RAF1: variants seen among roughly 807,000 people sequenced by gnomAD.
RAF1 encodes RAF proto-oncogene serine/threonine-protein kinase.
A neutral mutation model predicts 81.1 loss-of-function variants in RAF1; 27 were observed. The ratio of observed to expected loss-of-function variants is 0.33; its 90% CI spans 0.25 to 0.46. The LOEUF (loss-of-function observed/expected upper bound fraction) is 0.46. Among genes scored for constraint, RAF1 ranks in the 20% least tolerant of loss-of-function variants. The pLI, the probability that RAF1 is intolerant of heterozygous loss-of-function variation, is 1.00. For synonymous variants in RAF1, 298 were observed against 294.0 expected, an observed-to-expected ratio of 1.01 and a Z score of -0.14; for missense variants, 598 against 826.0, an observed-to-expected ratio of 0.72 and a Z score of 3.38.
intron 1 of RAF1, among the ~76,000 whole-genome samples, chr3:12,646,814 G>A (rs2060362368): frequency 6.6e-6 from 1 of 151,756 alleles, no homozygotes; most frequent in Admixed American, 6.6e-5. Context: ...CTCCCAAAAC[G>A]CTGGGATTAC....
chr3:12,592,472 T>A (rs1402110663), intron 11 of RAF1, among the ~76,000 whole-genome samples: 1 of 152,192 alleles, frequency 6.6e-6, no homozygotes, highest in Non-Finnish European at 1.5e-5. Context: ...TCTCTGTTAA[T>A]CCTCACAGCT....
intron 6 of RAF1, among the ~76,000 whole-genome samples, chr3:12,604,587 A>G (rs1403040653): frequency 1.3e-5 from 2 of 152,212 alleles, no homozygotes; most frequent in Admixed American, 1.3e-4. Context: ...AATTTTTACA[A>G]CATCTCCAGG....
At chr3:12,591,091 AC>A in intron 12 of RAF1, 117 bp from the exon 12 acceptor site, 1 of 939,532 alleles carries the variant, frequency 1.1e-6, no homozygotes, top group Non-Finnish European at 1.6e-6. Context: ...TCCCAACACC[AC>A]CCCCAGTCCC....
intron 11 of RAF1, among the ~76,000 whole-genome samples, chr3:12,598,739 AAAAAAAAAAAAAAAC>A (rs973162210): frequency 6.7e-6 from 1 of 148,650 alleles, no homozygotes; most frequent in Non-Finnish European, 1.5e-5. Flanking sequence ...AAAAAAAAAA[AAAAAAAAAAAAAAAC>A]CACCAAGTAC....
intron 1 of RAF1, among the ~76,000 whole-genome samples, chr3:12,625,110 A>C (rs914459090): frequency 6.6e-6 from 1 of 151,994 alleles, no homozygotes; most frequent in African/African-American, 2.4e-5. Context: ...TTGAGGCGGA[A>C]TCTCACTCTG....
rs2059114331 is a variant in RAF1, at chr3:12,608,650, A to G, written c.581+116T>C. ...GTTTCTAAAGTAGTTTCTGGATCACAATTCATTAAATGAGTCTAGAATCCA... is the reference window on the plus strand; with the variant it reads ...GTTTCTAAAGTAGTTTCTGGATCACGATTCATTAAATGAGTCTAGAATCCA... On this transcript the variant is annotated intron_variant, in intron 5 of 17. Coordinates refer to ENST00000442415, the MANE Select transcript of RAF1 (RefSeq NM_001354689.3). 6 of 1,214,682 alleles carry G rather than the reference A, an allele frequency of 4.9e-6. No individual in the cohort carries two copies. In the East Asian group the frequency reaches 9.4e-5, roughly 19 times the overall value. 75.2% of individuals were successfully genotyped at this position (1,214,682 alleles called of 1,614,324 possible).
intron 1 of RAF1, among the ~76,000 whole-genome samples, chr3:12,640,081 T>A (rs548766584): frequency 2.2e-4 from 33 of 152,300 alleles, no homozygotes; most frequent in African/African-American, 6.5e-4. Flanking sequence ...TACAACTATC[T>A]GATCTTTGAC....
chr3:12,588,096 G>A (rs2058388638), intron 13 of RAF1: 1 of 152,348 alleles, frequency 6.6e-6, no homozygotes, highest in African/African-American at 2.4e-5. Context: ...TGGGCCCCTG[G>A]CGCCTGACCA....
intron 11 of RAF1, among the ~76,000 whole-genome samples, chr3:12,596,835 T>C (rs1281769025): frequency 6.6e-6 from 1 of 152,158 alleles, no homozygotes; most frequent in Non-Finnish European, 1.5e-5. Context: ...TCTGAAAGCA[T>C]GGCATAAAAG....
chr3:12,597,177 C>T (rs541611415), intron 11 of RAF1, among the ~76,000 whole-genome samples: 36 of 152,236 alleles, frequency 2.4e-4, no homozygotes, highest in African/African-American at 8.7e-4. Context: ...GGATTACAGG[C>T]GTGAGCCACC....
intron 1 of RAF1, among the ~76,000 whole-genome samples, chr3:12,637,525 TTAACA>T (rs2125520408): frequency 6.6e-6 from 1 of 151,924 alleles, no homozygotes; most frequent in African/African-American, 2.4e-5. Context: ...TCCATCTCTA[TTAACA>T]TTTGAAAGCA....
chr3:12,597,877 C>T (rs527344052), intron 11 of RAF1, among the ~76,000 whole-genome samples: 1 of 151,674 alleles, frequency 6.6e-6, no homozygotes, highest in Admixed American at 6.6e-5. Context: ...CAAGATTGTG[C>T]CACTACTCCA....
intron 1 of RAF1, among the ~76,000 whole-genome samples, chr3:12,625,107 G>A (rs1191886064): frequency 1.3e-5 from 2 of 150,876 alleles, no homozygotes; most frequent in South Asian, 2.1e-4. Context: ...TTTTTGAGGC[G>A]GAATCTCACT....
At chr3:12,611,810 T>C in intron 3 of RAF1, 140 bp downstream of exon 3, 1 of 712,862 alleles carries the variant, frequency 1.4e-6, no homozygotes, top group South Asian at 1.6e-5. Flanking sequence ...CCTATTTTTC[T>C]GAATTATCTC....
chr3:12,608,194 A>G (rs954153121), intron 5 of RAF1, among the ~76,000 whole-genome samples: 1 of 152,206 alleles, frequency 6.6e-6, no homozygotes, highest in Non-Finnish European at 1.5e-5. Flanking sequence ...AGTTTGGACC[A>G]TGTACTTTTA....
At chr3:12,632,432 A>C (rs563552388) in intron 1 of RAF1, among the ~76,000 whole-genome samples, 8 of 152,162 alleles carry the variant, frequency 5.3e-5, no homozygotes, top group Admixed American at 5.2e-4. Context: ...GGCAGGGAGA[A>C]GTAGGTTTAA....
At chr3:12,642,721 A>ACACAG (rs1559478289) in intron 1 of RAF1, among the ~76,000 whole-genome samples, 1 of 84,122 alleles carries the variant, frequency 1.2e-5, no homozygotes, top group African/African-American at 4.3e-5. Flanking sequence ...CACACACACA[A>ACACAG]AATAGCTGCG....
chr3:12,642,045 C>T (rs1487966892), intron 1 of RAF1, among the ~76,000 whole-genome samples: 5 of 151,870 alleles, frequency 3.3e-5, no homozygotes, highest in South Asian at 4.2e-4. Flanking sequence ...CTTCTCGGGA[C>T]GCTGAGGCAG....
At chr3:12,653,813 T>A (rs1472506702) in intron 1 of RAF1, among the ~76,000 whole-genome samples, 2 of 151,730 alleles carry the variant, frequency 1.3e-5, no homozygotes, top group African/African-American at 4.8e-5. Context: ...AAACTTTGAA[T>A]AACAGCATGG....
Sources: gnomAD v4.1 joint callset for allele counts (sites outside exome capture counted in the v4.1 genomes callset) on GRCh38, gnomAD v4.1.1 for gene constraint, MANE v1.5 for transcripts, NCBI Gene and HGNC (gene_info 2026-07-23, HGNC 2026-07-21) for gene names.